CCZ1: variants seen among roughly 807,000 people sequenced by gnomAD.
CCZ1 encodes vacuolar fusion protein CCZ1 homolog.
Under a neutral mutation model 57.8 loss-of-function variants are expected in CCZ1, and 19 were observed. The ratio of observed to expected loss-of-function variants is 0.33; its 90% CI spans 0.23 to 0.48. The LOEUF is 0.48. Among genes scored for constraint, CCZ1 ranks in the 20% least tolerant of loss-of-function variants. The probability of loss-of-function intolerance (pLI) is 0.99; values close to 1 mark genes in which losing one functional copy is unlikely to be tolerated. For synonymous variants in CCZ1, 81 were observed against 167.0 expected, an observed-to-expected ratio of 0.49 and a Z score of 3.97; for missense variants, 200 against 492.0, an observed-to-expected ratio of 0.41 and a Z score of 5.61.
chr7:5,909,196 A>G (rs1426748933), intron 7 of CCZ1, among the ~76,000 whole-genome samples: 4 of 147,772 alleles, frequency 2.7e-5, no homozygotes, highest in Non-Finnish European at 5.9e-5. Context: ...CAGTGCCTGG[A>G]CTCAAGTTTA....
intron 8 of CCZ1, among the ~76,000 whole-genome samples, chr7:5,911,385 C>G (rs1583187433): frequency 6.7e-6 from 1 of 148,836 alleles, no homozygotes; most frequent in African/African-American, 2.5e-5. Context: ...CTCGCATGGT[C>G]TCAAACTCCT....
chr7:5,906,262 C>T (rs1781817705), intron 7 of CCZ1, among the ~76,000 whole-genome samples: 1 of 147,274 alleles, frequency 6.8e-6, no homozygotes, highest in Non-Finnish European at 1.5e-5. Context: ...TCAAGGCTTG[C>T]AGCTGTTCTG....
In CCZ1 at chr7:5,905,106, C is replaced by A. The variant is rs747353995; in HGVS notation, c.535C>A (p.Leu179Ile). Residue 179 changes from leucine to isoleucine, a missense_variant, in exon 7 of 15, where the codon CTA becomes ATA. This residue lies in a region of CCZ1 where 128 missense variants were observed against 178.4 expected (regional missense o/e 0.72). Coordinates refer to ENST00000325974, the MANE Select transcript of CCZ1 (RefSeq NM_015622.6). ...TTTTTTCCCACAGTATTTGCAAACGCTACATTTGCAGTCATGTGACCTACT... is the reference window on the plus strand; with the variant it reads ...TTTTTTCCCACAGTATTTGCAAACGATACATTTGCAGTCATGTGACCTACT... ...EKFFHRYLQT[L>I]HLQSCDLLDI... The A allele has an allele frequency of 1.9e-6, 3 of 1,599,028 alleles. No individual in the cohort carries two copies. The highest frequency in any genetic ancestry group is 2.5e-6 in the Non-Finnish European group (3 of 1,177,994).
intron 6 of CCZ1, among the ~76,000 whole-genome samples, chr7:5,904,003 A>G (rs937512034): frequency 7.1e-6 from 1 of 140,788 alleles, no homozygotes; most frequent in South Asian, 2.5e-4. Context: ...CGGGGGGGGA[A>G]ATAAAGATGG....
rs754816624 is a variant in CCZ1 at position 5,900,478 on chromosome 7, T to A, written c.224T>A (p.Phe75Tyr). 1 of 1,598,658 alleles carries A rather than the reference T, an allele frequency of 6.3e-7. No individual in the cohort carries two copies. Among genetic ancestry groups the A allele is most frequent in the African/African-American group, 1.4e-5 (1 of 72,490 alleles). ...TATTTTTTTAACCTTTGTAGGACAT[T>A]TAGCCCATCAAAACCTGCAAAATCT... ...CEAIVQFTRT[F>Y]SPSKPAKSLH... Residue 75 changes from phenylalanine to tyrosine, a missense_variant, in exon 3 of 15, where the codon TTT becomes TAT. Around this residue, in one of 5 missense-constraint regions of CCZ1, gnomAD observed 44 missense variants for 122.8 expected, o/e 0.36. Coordinates refer to ENST00000325974, the MANE Select transcript of CCZ1 (RefSeq NM_015622.6).
rs759953456 is a variant in CCZ1 at position 5,900,391 on chromosome 7, C to G, written c.218+10C>G. 3 of 1,553,264 alleles carry G rather than the reference C, an allele frequency of 1.9e-6. No individual in the cohort carries two copies. The highest frequency in any genetic ancestry group is 2.3e-5 in the South Asian group (2 of 86,356). On this transcript the variant is annotated intron_variant, in intron 2 of 14. Transcript: ENST00000325974. ...TTGTACAGTTTACAAGGTAATACCT[C>G]TAAGTGTGCTTTTAGCGTTCAGTGA...
At chr7:5,900,705 A>G (rs1269162143) in intron 3 of CCZ1, 139 bp downstream of exon 3, 1 of 1,446,966 alleles carries the variant, frequency 6.9e-7, no homozygotes, top group South Asian at 1.4e-5. Context: ...TTTTAAAATC[A>G]AGTTCTTCCT....
intron 5 of CCZ1, 37 bp downstream of exon 5, chr7:5,901,741 C>G (rs1781690935): frequency 6.3e-7 from 1 of 1,595,446 alleles, no homozygotes; most frequent in Non-Finnish European, 8.5e-7. Context: ...AGAGTCCAGC[C>G]ACTTACCCCT....
At chr7:5,914,965 G>A (rs1221402718) in intron 10 of CCZ1, among the ~76,000 whole-genome samples, 20 of 145,944 alleles carry the variant, frequency 1.4e-4, no homozygotes, top group Non-Finnish European at 1.9e-4. Context: ...AGGGTCATCC[G>A]TCAGCAGAAT....
At chr7:5,908,953 A>G (rs1781899736) in intron 7 of CCZ1, among the ~76,000 whole-genome samples, 1 of 147,440 alleles carries the variant, frequency 6.8e-6, no homozygotes. Context: ...CAGCATACCC[A>G]TATTTTCCCA....
chr7:5,922,834 G>A (rs1179396634), intron 12 of CCZ1, among the ~76,000 whole-genome samples: 3 of 148,504 alleles, frequency 2.0e-5, no homozygotes, highest in East Asian at 2.0e-4. Flanking sequence ...TGGGAGGAAC[G>A]AGGTGTTACT....
intron 11 of CCZ1, chr7:5,919,464 C>CT: frequency 4.7e-6 from 1 of 214,638 alleles, no homozygotes; most frequent in Non-Finnish European, 9.3e-6. Context: ...CGACTGCGAG[C>CT]TGGAGACAGC....
intron 7 of CCZ1, among the ~76,000 whole-genome samples, chr7:5,907,233 C>T (rs1197943080): frequency 6.7e-6 from 1 of 149,526 alleles, no homozygotes; most frequent in Non-Finnish European, 1.5e-5. Flanking sequence ...TAGTTGCTTT[C>T]TGTGATATGT....
chr7:5,904,523 T>C (rs1422148534), intron 6 of CCZ1, among the ~76,000 whole-genome samples: 2 of 142,712 alleles, frequency 1.4e-5, no homozygotes, highest in Non-Finnish European at 3.0e-5. Context: ...AGACTCTGTC[T>C]ATACCAAAAA....
intron 6 of CCZ1, 118 bp from the exon 7 acceptor site, chr7:5,904,976 T>C (rs544226283): frequency 3.2e-6 from 4 of 1,264,008 alleles, no homozygotes; most frequent in African/African-American, 3.2e-5. Flanking sequence ...TTGCGCTGTT[T>C]GCTAGTATGT....
chr7:5,908,725 C>G (rs1781894537), intron 7 of CCZ1, among the ~76,000 whole-genome samples: 1 of 143,934 alleles, frequency 6.9e-6, no homozygotes, highest in Non-Finnish European at 1.5e-5. Context: ...CGCCCAGATC[C>G]AGCCTCATTG....
intron 7 of CCZ1, 150 bp from the exon 8 acceptor site, chr7:5,909,885 A>G (rs1781928180): frequency 1.7e-6 from 1 of 604,746 alleles, no homozygotes; most frequent in African/African-American, 1.9e-5. Flanking sequence ...TTGAGTTTTA[A>G]GTAGCTTTAG....
rs201738735 is a variant in CCZ1 at position 5,920,951 on chromosome 7, G to GTTTTTT, written c.1106+1000_1106+1005dup. Among the ~76,000 whole-genome samples the GTTTTTT allele has an allele frequency of 4.8e-5, 4 of 83,854 alleles. No homozygotes were observed. The South Asian group carries it at 1.1e-3, about 23-fold the overall frequency. 55.0% of individuals were successfully genotyped at this position (83,854 alleles called of 152,430 possible). ...TTAATGTTCATACGTTGTTTTTTGG[G>GTTTTTT]TTTTTTTTTTTTTTTTTTTTAAGAC... On this transcript the variant is annotated intron_variant, in intron 12 of 14. Transcript: ENST00000325974.
At chr7:5,905,869 T>C (rs1434426919) in intron 7 of CCZ1, among the ~76,000 whole-genome samples, 1 of 142,598 alleles carries the variant, frequency 7.0e-6, no homozygotes, top group African/African-American at 2.6e-5. Flanking sequence ...GTTTTTTTTT[T>C]TTTCTGAAAT....
Sources: allele counts gnomAD v4.1 joint callset (sites outside exome capture counted in the v4.1 genomes callset), GRCh38; gene constraint gnomAD v4.1.1; regional missense constraint gnomAD v4.1.1; transcripts MANE v1.5; gene names NCBI Gene and HGNC (gene_info 2026-07-23, HGNC 2026-07-21).